Variants in ADGRB3 observed in about 807,000 individuals in gnomAD.
ADGRB3 encodes adhesion G protein-coupled receptor B3.
Under a neutral mutation model 193.4 loss-of-function variants are expected in ADGRB3, and 37 were observed. The observed-to-expected ratio is 0.19, with a 90% CI of 0.15 to 0.25. ADGRB3 has a LOEUF of 0.25. Ranked by LOEUF, ADGRB3 falls within the 10% of genes least tolerant of loss-of-function variation. The pLI is 1.00. For synonymous variants in ADGRB3, 690 were observed against 644.2 expected (o/e 1.07, Z -1.08); for missense variants, 1,637 against 1,852.9 (o/e 0.88, Z 2.14).
At chr6:69,204,671 A>T (rs1347546751) in intron 17 of ADGRB3, among the ~76,000 whole-genome samples, 1 of 152,154 alleles carries the variant, frequency 6.6e-6, no homozygotes, top group Non-Finnish European at 1.5e-5. Context: ...TGCTTTGTTC[A>T]TATTCTTATT....
intron 3 of ADGRB3, among the ~76,000 whole-genome samples, chr6:68,826,826 G>A (rs1767852680): frequency 6.6e-6 from 1 of 152,156 alleles, no homozygotes; most frequent in African/African-American, 2.4e-5. Context: ...AGTCAAGAAT[G>A]ACTACATTGT....
At chr6:68,886,141 T>C (rs1765900463) in intron 3 of ADGRB3, among the ~76,000 whole-genome samples, 7 of 152,116 alleles carry the variant, frequency 4.6e-5, no homozygotes, top group Admixed American at 3.3e-4. Flanking sequence ...GCAGTGGAAA[T>C]CTCAGAACCA....
chr6:69,034,154 T>C (rs1770796102), intron 13 of ADGRB3, among the ~76,000 whole-genome samples: 1 of 151,992 alleles, frequency 6.6e-6, no homozygotes, highest in Admixed American at 6.6e-5. Flanking sequence ...TTTTCCTCTT[T>C]GAAATATGAA....
intron 20 of ADGRB3, among the ~76,000 whole-genome samples, chr6:69,304,464 A>C (rs1439882589): frequency 6.6e-6 from 1 of 151,632 alleles, no homozygotes; most frequent in South Asian, 2.1e-4. Context: ...ATATAGTAAA[A>C]TTAGAATCCT....
At chr6:68,748,646 G>A (rs1206220378) in intron 3 of ADGRB3, among the ~76,000 whole-genome samples, 2 of 152,072 alleles carry the variant, frequency 1.3e-5, no homozygotes, top group African/African-American at 4.8e-5. Flanking sequence ...GCTTTTCCAG[G>A]TGCATGGTGC....
intron 3 of ADGRB3, among the ~76,000 whole-genome samples, chr6:68,842,557 A>G (rs1269846955): frequency 1.3e-5 from 2 of 151,982 alleles, no homozygotes; most frequent in Non-Finnish European, 2.9e-5. Context: ...CCCTCAACTC[A>G]ATGGCTTCAT....
intron 3 of ADGRB3, among the ~76,000 whole-genome samples, chr6:68,741,108 GA>G (rs1487010020): frequency 6.6e-6 from 1 of 152,158 alleles, no homozygotes; most frequent in East Asian, 1.9e-4. Context: ...AAAAAAAAAT[GA>G]AACAAATGCA....
chr6:69,146,909 T>C (rs1049488736), intron 17 of ADGRB3, among the ~76,000 whole-genome samples: 3 of 151,234 alleles, frequency 2.0e-5, no homozygotes, highest in African/African-American at 7.3e-5. Flanking sequence ...TAGGAATTTG[T>C]CCATTTCTTC....
At chr6:69,020,828 A>G (rs1222884844) in intron 13 of ADGRB3, among the ~76,000 whole-genome samples, 2 of 152,072 alleles carry the variant, frequency 1.3e-5, no homozygotes, top group Non-Finnish European at 2.9e-5. Flanking sequence ...GTTATGCGCC[A>G]TAGTATTCAG....
At chr6:69,215,054 A>ATAC (rs1277007041) in intron 17 of ADGRB3, among the ~76,000 whole-genome samples, 2 of 152,094 alleles carry the variant, frequency 1.3e-5, no homozygotes, top group African/African-American at 4.8e-5. Context: ...TAAGTGGTAA[A>ATAC]TACTCTTCAA....
intron 3 of ADGRB3, among the ~76,000 whole-genome samples, chr6:68,827,369 A>AT (rs1386046796): frequency 1.3e-5 from 2 of 152,100 alleles, no homozygotes; most frequent in Non-Finnish European, 2.9e-5. Flanking sequence ...AAAGGAAGTG[A>AT]TTTTTTAAAA....
intron 20 of ADGRB3, among the ~76,000 whole-genome samples, chr6:69,286,450 T>C (rs564367120): frequency 5.3e-4 from 80 of 152,290 alleles, no homozygotes; most frequent in Non-Finnish European, 9.8e-4. Flanking sequence ...AGAAAGAAGA[T>C]GCTATTTACT....
At chr6:69,044,173 C>T (rs1771169229) in intron 13 of ADGRB3, among the ~76,000 whole-genome samples, 1 of 152,232 alleles carries the variant, frequency 6.6e-6, no homozygotes, top group African/African-American at 2.4e-5. Flanking sequence ...TCTGTGTGAG[C>T]TACTCTAGTG....
At chr6:69,055,177 A>T (rs1322607346) in intron 15 of ADGRB3, among the ~76,000 whole-genome samples, 1 of 152,204 alleles carries the variant, frequency 6.6e-6, no homozygotes, top group Non-Finnish European at 1.5e-5. Context: ...AATTTACCAT[A>T]ATAACTATTT....
chr6:68,741,925 T>A (rs902994287), intron 3 of ADGRB3, among the ~76,000 whole-genome samples: 62 of 152,244 alleles, frequency 4.1e-4, no homozygotes, highest in Admixed American at 2.0e-4. Flanking sequence ...CGAGTTCACA[T>A]GTTGTTTAAG....
intron 3 of ADGRB3, among the ~76,000 whole-genome samples, chr6:68,879,696 A>T (rs1346720416): frequency 6.6e-6 from 1 of 152,090 alleles, no homozygotes; most frequent in Non-Finnish European, 1.5e-5. Context: ...TTGCAACATG[A>T]GTCACACCCC....
chr6:68,974,694 T>C, intron 8 of ADGRB3, 69 bp from the exon 9 acceptor site: 1 of 1,277,998 alleles, frequency 7.8e-7, no homozygotes, highest in Non-Finnish European at 1.1e-6. Flanking sequence ...GAGGTGCCTT[T>C]GACAATTGTT....
chr6:68,697,981 T>C (rs1326993378), intron 3 of ADGRB3, among the ~76,000 whole-genome samples: 1 of 151,556 alleles, frequency 6.6e-6, no homozygotes, highest in Non-Finnish European at 1.5e-5. Flanking sequence ...AATGGACATA[T>C]AGAGAGGCAG....
chr6:68,941,400 A>G (rs538476667), intron 5 of ADGRB3, among the ~76,000 whole-genome samples: 2 of 152,296 alleles, frequency 1.3e-5, no homozygotes, highest in East Asian at 3.9e-4. Context: ...CCGTGTAGCC[A>G]TAAAGACTGT....
Sources: allele counts gnomAD v4.1 joint callset (sites outside exome capture counted in the v4.1 genomes callset), GRCh38; gene constraint gnomAD v4.1.1; transcripts MANE v1.5; gene names NCBI Gene and HGNC (gene_info 2026-07-23, HGNC 2026-07-21).